The following PCDH15 variants were observed in gnomAD, a reference collection of about 807,000 sequenced individuals.
PCDH15 encodes protocadherin-15.
A neutral mutation model predicts 178.5 loss-of-function variants in PCDH15; 129 were observed. The observed-to-expected ratio is 0.72, with a 90% CI of 0.63 to 0.84. The LOEUF (loss-of-function observed/expected upper bound fraction) is 0.84, where lower values mean the gene tolerates loss of function less well. Among genes scored for constraint, PCDH15 ranks in the 40% least tolerant of loss-of-function variants. The pLI is 0.00. For synonymous variants in PCDH15, 800 were observed against 732.0 expected (o/e 1.09, Z -1.50); for missense variants, 2,230 against 2,099.9 (o/e 1.06, Z -1.21).
At chr10:54,740,840 C>T (rs554632295) in intron 1 of PCDH15, among the ~76,000 whole-genome samples, 1 of 151,872 alleles carries the variant, frequency 6.6e-6, no homozygotes, top group Admixed American at 6.6e-5. Flanking sequence ...GAGATAATGA[C>T]TATAACAGTG....
At chr10:55,302,504 G>A (rs942920619) in intron 1 of PCDH15, among the ~76,000 whole-genome samples, 2 of 152,032 alleles carry the variant, frequency 1.3e-5, no homozygotes, top group Non-Finnish European at 2.9e-5. Context: ...AAGGAAAACC[G>A]TATTTTGCAC....
chr10:55,203,403 A>C (rs1276067663), intron 1 of PCDH15, among the ~76,000 whole-genome samples: 2 of 152,052 alleles, frequency 1.3e-5, no homozygotes, highest in African/African-American at 4.8e-5. Context: ...CCTCACAATA[A>C]TGCTACGTGG....
In PCDH15 at chr10:53,840,501, A is replaced by T; in HGVS notation, c.3807-5T>A. On this transcript the variant is annotated splice_region_variant and splice_polypyrimidine_tract_variant and intron_variant, in intron 28 of 37. Transcript: ENST00000644397. ...TGAACATAGCGATCCAAGATCCTAT[A>T]AATCAAACAAAGTACAAACATGACA... is the stretch of plus-strand genomic sequence containing the variant. 6.2e-7 allele frequency: 1 copy of T among 1,612,812 alleles called. No homozygotes were observed. Among genetic ancestry groups the T allele is most frequent in the Non-Finnish European group, 8.5e-7 (1 of 1,178,758 alleles).
intron 1 of PCDH15, among the ~76,000 whole-genome samples, chr10:55,191,236 T>G (rs886225600): frequency 9.9e-5 from 15 of 151,684 alleles, no homozygotes; most frequent in African/African-American, 3.6e-4. Flanking sequence ...CATATCCTGT[T>G]AGTTCTAAGT....
At chr10:53,809,025 C>A (rs751672613) in intron 37 of PCDH15, 1 of 1,596,760 alleles carries the variant, frequency 6.3e-7, no homozygotes, top group Non-Finnish European at 8.5e-7. Flanking sequence ...CTTTCCTACC[C>A]TTGACTTCCT....
At chr10:54,439,250 A>C (rs2075641855) in intron 3 of PCDH15, among the ~76,000 whole-genome samples, 1 of 152,034 alleles carries the variant, frequency 6.6e-6, no homozygotes. Flanking sequence ...ATAAACTTAA[A>C]GTTTAAGAAA....
chr10:53,995,474 C>G (rs1210049076), intron 21 of PCDH15, 175 bp downstream of exon 21: 1 of 1,141,642 alleles, frequency 8.8e-7, no homozygotes, highest in East Asian at 2.6e-5. Context: ...CAATAATAGT[C>G]ATCTGAAATA....
At chr10:53,963,292 C>T (rs936412815) in intron 21 of PCDH15, among the ~76,000 whole-genome samples, 5 of 152,148 alleles carry the variant, frequency 3.3e-5, no homozygotes, top group Admixed American at 2.0e-4. Context: ...ATATACTACA[C>T]GTCACCACTG....
intron 21 of PCDH15, among the ~76,000 whole-genome samples, chr10:53,972,818 C>T (rs1024544089): frequency 5.3e-5 from 8 of 152,046 alleles, no homozygotes; most frequent in Non-Finnish European, 7.4e-5. Flanking sequence ...TGTGGAGAAA[C>T]AGGAACACTT....
At chr10:54,781,401 C>T (rs1291179238) in intron 1 of PCDH15, among the ~76,000 whole-genome samples, 1 of 152,064 alleles carries the variant, frequency 6.6e-6, no homozygotes, top group Non-Finnish European at 1.5e-5. Context: ...TCTATGTAGA[C>T]ATTGTCAAAT....
At chr10:55,449,744 A>G (rs1839393739) in intron 2 of PCDH15, among the ~76,000 whole-genome samples, 1 of 152,108 alleles carries the variant, frequency 6.6e-6, no homozygotes, top group African/African-American at 2.4e-5. Context: ...GCAACATTTC[A>G]TTTGTCTTTC....
chr10:54,976,893 C>A (rs957778931), intron 2 of PCDH15, among the ~76,000 whole-genome samples: 2 of 152,128 alleles, frequency 1.3e-5, no homozygotes, highest in Non-Finnish European at 1.5e-5. Context: ...CTAAATTCCT[C>A]CCTTAGTTAG....
chr10:55,553,019 T>C (rs796656779), intron 2 of PCDH15, among the ~76,000 whole-genome samples: 1 of 151,644 alleles, frequency 6.6e-6, no homozygotes, highest in Non-Finnish European at 1.5e-5. Flanking sequence ...CAAAGTGAGA[T>C]ACATTAATTG....
chr10:54,560,802 AC>A, intron 2 of PCDH15, among the ~76,000 whole-genome samples: 1 of 152,186 alleles, frequency 6.6e-6, no homozygotes, highest in Middle Eastern at 3.4e-3. Flanking sequence ...AATGAAAATC[AC>A]CCCATTCTTT....
intron 2 of PCDH15, among the ~76,000 whole-genome samples, chr10:54,630,290 C>G (rs1464982428): frequency 6.6e-6 from 1 of 152,128 alleles, no homozygotes; most frequent in Admixed American, 6.6e-5. Context: ...TTAACTAAAA[C>G]AGCATGGTAT....
At chr10:54,880,780 A>C (rs1359732530) in intron 3 of PCDH15, among the ~76,000 whole-genome samples, 5 of 149,460 alleles carry the variant, frequency 3.3e-5, no homozygotes, top group African/African-American at 4.9e-5. Context: ...TGCATACTAG[A>C]TTCTAGAAAT....
intron 25 of PCDH15, among the ~76,000 whole-genome samples, chr10:53,934,777 A>T (rs2085418225): frequency 2.0e-5 from 3 of 152,126 alleles, no homozygotes; most frequent in Admixed American, 2.0e-4. Context: ...GGAGGCAGCA[A>T]GAGCACTTTC....
intron 26 of PCDH15, among the ~76,000 whole-genome samples, chr10:53,870,775 A>G (rs2079782727): frequency 6.6e-6 from 1 of 152,216 alleles, no homozygotes; most frequent in African/African-American, 2.4e-5. Flanking sequence ...TCATACATAG[A>G]TAACAACCAA....
chr10:54,519,282 G>T (rs1329275763), intron 3 of PCDH15, among the ~76,000 whole-genome samples: 1 of 152,152 alleles, frequency 6.6e-6, no homozygotes, highest in Non-Finnish European at 1.5e-5. Flanking sequence ...GTCCCTGTTT[G>T]CAGATGACAT....
Sources: gnomAD v4.1 joint callset for allele counts (sites outside exome capture counted in the v4.1 genomes callset) on GRCh38, gnomAD v4.1.1 for gene constraint, MANE v1.5 for transcripts, NCBI Gene and HGNC (gene_info 2026-07-23, HGNC 2026-07-21) for gene names.